ENTREP1: variants seen among roughly 807,000 people sequenced by gnomAD.
ENTREP1 encodes Friedreich ataxia region gene X123.
At chr9:69,340,641 A>AGG in the ENTREP1 span, among the ~76,000 whole-genome samples, 1 of 44,268 alleles carries the variant, frequency 2.3e-5, no homozygotes, top group African/African-American at 8.9e-5. Context: ...GTGTGCGTGC[A>AGG]TGTGTGTGTG....
chr9:69,352,352 C>T, the ENTREP1 span, among the ~76,000 whole-genome samples: 1 of 152,138 alleles, frequency 6.6e-6, no homozygotes, highest in African/African-American at 2.4e-5. Context: ...CTCCTAACCT[C>T]AGGTGATCCA....
chr9:69,363,110 TG>T, the ENTREP1 span, among the ~76,000 whole-genome samples: 2 of 152,226 alleles, frequency 1.3e-5, no homozygotes, highest in Non-Finnish European at 2.9e-5. Flanking sequence ...CTTGAATAGT[TG>T]GATTTTGCTT....
chr9:69,353,197 A>T, the ENTREP1 span, among the ~76,000 whole-genome samples: 1 of 152,182 alleles, frequency 6.6e-6, no homozygotes, highest in African/African-American at 2.4e-5. Context: ...CCCAAGGCAG[A>T]TTATTTCACT....
chr9:69,356,446 T>C, the ENTREP1 span, among the ~76,000 whole-genome samples: 1 of 151,628 alleles, frequency 6.6e-6, no homozygotes, highest in Non-Finnish European at 1.5e-5. Flanking sequence ...TTGCTGACCC[T>C]GGTTTGCAGA....
chr9:69,390,545 A>G, the ENTREP1 span, among the ~76,000 whole-genome samples: 1 of 152,244 alleles, frequency 6.6e-6, no homozygotes, highest in Non-Finnish European at 1.5e-5. Flanking sequence ...AAAAAGAATC[A>G]TTCTTAAAGA....
the ENTREP1 span, among the ~76,000 whole-genome samples, chr9:69,367,648 T>C: frequency 4.5e-4 from 43 of 96,352 alleles, 1 homozygote; most frequent in Admixed American, 2.6e-3. Flanking sequence ...TATACACACA[T>C]ATATATAAAT....
the ENTREP1 span, among the ~76,000 whole-genome samples, chr9:69,384,790 T>C: frequency 6.6e-6 from 1 of 152,268 alleles, no homozygotes; most frequent in East Asian, 1.9e-4. Flanking sequence ...AGGTAATTTT[T>C]CAGCAGTACT....
the ENTREP1 span, among the ~76,000 whole-genome samples, chr9:69,384,202 GAA>G: frequency 6.7e-6 from 1 of 150,188 alleles, no homozygotes; most frequent in African/African-American, 2.5e-5. Context: ...TCTACAAACG[GAA>G]AAAAAAAATG....
the ENTREP1 span, among the ~76,000 whole-genome samples, chr9:69,351,562 A>G: frequency 6.6e-6 from 1 of 152,300 alleles, no homozygotes; most frequent in Admixed American, 6.5e-5. Flanking sequence ...GACTACAGAC[A>G]TGCACCAACA....
At chr9:69,332,167 C>T in the ENTREP1 span, among the ~76,000 whole-genome samples, 4 of 152,204 alleles carry the variant, frequency 2.6e-5, no homozygotes, top group African/African-American at 9.6e-5. Context: ...ATTTGCTTTT[C>T]TCCCCATCAC....
the ENTREP1 span, chr9:69,324,881 C>G: frequency 2.0e-6 from 2 of 985,242 alleles, no homozygotes; most frequent in South Asian, 4.7e-5. Context: ...CGCTGAGACT[C>G]TCGGTGGCCG....
the ENTREP1 span, among the ~76,000 whole-genome samples, chr9:69,328,881 CCCCACCCCTA>C: frequency 6.6e-6 from 1 of 152,074 alleles, no homozygotes; most frequent in Non-Finnish European, 1.5e-5. Context: ...TCTCCACCAC[CCCCACCCCTA>C]GCCACCCACT....
the ENTREP1 span, chr9:69,383,775 A>G: frequency 1.2e-6 from 2 of 1,614,060 alleles, no homozygotes; most frequent in Non-Finnish European, 1.7e-6. Flanking sequence ...GTCTGTCCTG[A>G]ATCTCTCTAA....
At chr9:69,388,422 C>A in the ENTREP1 span, 2 of 1,603,186 alleles carry the variant, frequency 1.2e-6, no homozygotes, top group South Asian at 2.2e-5. Context: ...ATGGAGGAAG[C>A]CATCACAAGT....
At chr9:69,371,504 CCT>C in the ENTREP1 span, 1 of 1,611,254 alleles carries the variant, frequency 6.2e-7, no homozygotes, top group Non-Finnish European at 8.5e-7. Context: ...TTCAGGTAAA[CCT>C]CTTTGTGCTG....
At chr9:69,327,756 A>G in the ENTREP1 span, among the ~76,000 whole-genome samples, 1 of 152,208 alleles carries the variant, frequency 6.6e-6, no homozygotes, top group Non-Finnish European at 1.5e-5. Flanking sequence ...TTTGGAACTG[A>G]CAAGTTCTCT....
At chr9:69,372,540 A>C in the ENTREP1 span, among the ~76,000 whole-genome samples, 1 of 152,120 alleles carries the variant, frequency 6.6e-6, no homozygotes, top group African/African-American at 2.4e-5. Flanking sequence ...AGACTATATA[A>C]TATTCCATTG....
the ENTREP1 span, chr9:69,375,661 T>C: frequency 8.5e-7 from 1 of 1,174,388 alleles, no homozygotes; most frequent in South Asian, 1.3e-5. Context: ...TTCTACAGGA[T>C]TGGTGCTCCA....
chr9:69,343,143 G>T, the ENTREP1 span, among the ~76,000 whole-genome samples: 1 of 152,212 alleles, frequency 6.6e-6, no homozygotes, highest in Non-Finnish European at 1.5e-5. Flanking sequence ...ATCAAATTCT[G>T]CTATCCACTT....
Sources: allele counts gnomAD v4.1 joint callset (sites outside exome capture counted in the v4.1 genomes callset), GRCh38; gene constraint gnomAD v4.1.1; transcripts MANE v1.5; gene names NCBI Gene and HGNC (gene_info 2026-07-23, HGNC 2026-07-21).